The following RAP1GAP variants were observed in gnomAD, a reference collection of about 807,000 sequenced individuals.
The protein encoded by RAP1GAP is rap1 GTPase-activating protein 1.
A neutral mutation model predicts 87.2 loss-of-function variants in RAP1GAP; 35 were observed. The observed-to-expected ratio is 0.40, with a 90% confidence interval of 0.31 to 0.53. The LOEUF is 0.53. Among genes scored for constraint, RAP1GAP ranks in the 20% least tolerant of loss-of-function variants. The pLI is 0.48. For missense variants in RAP1GAP, 734 were observed against 898.9 expected (o/e 0.82, Z 2.35); for synonymous variants, 375 against 363.9 (o/e 1.03, Z -0.35).
chr1:21,616,671 G>A (rs148882181), intron 7 of RAP1GAP, among the ~76,000 whole-genome samples: 1 of 152,352 alleles, frequency 6.6e-6, no homozygotes, highest in Non-Finnish European at 1.5e-5. Flanking sequence ...CTGACAAGTT[G>A]TTGCTGGGCA....
At chr1:21,610,632 G>A (rs955544751) in intron 13 of RAP1GAP, among the ~76,000 whole-genome samples, 4 of 152,158 alleles carry the variant, frequency 2.6e-5, no homozygotes, top group African/African-American at 4.8e-5. Flanking sequence ...TCAAGGCCGA[G>A]AGAAGTGACT....
At chr1:21,635,635 T>C (rs1199609942) in intron 2 of RAP1GAP, among the ~76,000 whole-genome samples, 2 of 152,232 alleles carry the variant, frequency 1.3e-5, no homozygotes, top group African/African-American at 2.4e-5. Context: ...TAGCTGGGGC[T>C]GGGGTTGCTG....
intron 7 of RAP1GAP, among the ~76,000 whole-genome samples, chr1:21,616,578 A>G (rs1267902696): frequency 6.6e-6 from 1 of 152,236 alleles, no homozygotes; most frequent in Non-Finnish European, 1.5e-5. Context: ...TTTTGGCTCT[A>G]TGCTGACGAA....
At chr1:21,638,964 C>G (rs1047362603) in intron 2 of RAP1GAP, among the ~76,000 whole-genome samples, 1 of 152,236 alleles carries the variant, frequency 6.6e-6, no homozygotes, top group Non-Finnish European at 1.5e-5. Flanking sequence ...ACACTCTTTC[C>G]CCTACATTAG....
intron 20 of RAP1GAP, among the ~76,000 whole-genome samples, chr1:21,600,783 G>A (rs1008666884): frequency 6.7e-6 from 1 of 149,452 alleles, no homozygotes; most frequent in Admixed American, 6.8e-5. Context: ...TACTTGGGGG[G>A]CTGAGGCAGG....
At chr1:21,660,677 C>A (rs1571503715) in intron 1 of RAP1GAP, among the ~76,000 whole-genome samples, 1 of 152,090 alleles carries the variant, frequency 6.6e-6, no homozygotes, top group African/African-American at 2.4e-5. Flanking sequence ...AGTTTCCAAT[C>A]TGGAAAATGG....
At chr1:21,617,159 T>C in intron 7 of RAP1GAP, 147 bp downstream of exon 7, 1 of 849,342 alleles carries the variant, frequency 1.2e-6, no homozygotes, top group Admixed American at 2.8e-5. Context: ...GGACTGGGAG[T>C]GTGTGTGGTG....
rs375344378 is a variant in RAP1GAP, at chr1:21,598,447, G to A, written c.1832C>T (p.Thr611Met). The change falls in exon 22 of 25, where the codon ACG becomes ATG. Residue 611 changes from threonine to methionine, a missense_variant. Thr to Met is a moderately conservative substitution (Grantham distance 81). Coordinates refer to ENST00000374765, the MANE Select transcript of RAP1GAP (RefSeq NM_002885.4). Reference protein sequence around the residue: ...PHKRDSFIYSTWLEDSVSTTS... With the variant: ...PHKRDSFIYSMWLEDSVSTTS... ...GGTGCTGACACTGTCCTCCAGCCACGTGCTATAGATGAAGGAGTCCCGCTT... is the reference window on the plus strand; with the variant it reads ...GGTGCTGACACTGTCCTCCAGCCACATGCTATAGATGAAGGAGTCCCGCTT... 1.4e-4 allele frequency: 220 copies of A among 1,613,892 alleles called. No individual in the cohort carries two copies. The highest frequency in any genetic ancestry group is 1.8e-4 in the South Asian group (16 of 91,092).
Position 21,603,381 on chromosome 1 carries a change from C to T in RAP1GAP, c.1429-468G>A, listed in dbSNP as rs1325817286. The T allele has an allele frequency of 3.2e-5, 15 of 473,856 alleles. No homozygotes were observed. In the East Asian group the frequency reaches 5.2e-4, roughly 16 times the overall value. The allele number at this position is 473,856 out of a possible 1,614,324, so 29.4% of individuals were successfully genotyped here. A position where few individuals can be genotyped will look rare whatever the true frequency, so the allele number is the denominator to read the frequency against. On this transcript the variant is annotated intron_variant, in intron 18 of 24. Transcript: ENST00000374765. The surrounding 1 kb of genome is among the most constrained non-coding windows in gnomAD (Gnocchi z 6.0). Reference sequence around the variant, plus strand: ...AGCAGCTGGAAGACTCCCCCAGCTTCCCACACACTGTGCTGGGATGCCCCA... The same window carrying T: ...AGCAGCTGGAAGACTCCCCCAGCTTTCCACACACTGTGCTGGGATGCCCCA...
At chr1:21,611,960 G>A in intron 11 of RAP1GAP, 66 bp downstream of exon 11, 7 of 1,485,864 alleles carry the variant, frequency 4.7e-6, no homozygotes, top group Non-Finnish European at 6.5e-6. Flanking sequence ...TGCTGCCCTG[G>A]AAAAGGTGTG....
In RAP1GAP at chr1:21,613,140, C is replaced by T. The variant is rs1381177182; in HGVS notation, c.528+36G>A. ...AATGCTCAGTCTTCCAGTTACTCACCCACCCTCAGTGAGCTGTGCCCAGAT... is the reference window on the plus strand; with the variant it reads ...AATGCTCAGTCTTCCAGTTACTCACTCACCCTCAGTGAGCTGTGCCCAGAT... On this transcript the variant is annotated intron_variant, in intron 10 of 24. Coordinates refer to ENST00000374765, the MANE Select transcript of RAP1GAP (RefSeq NM_002885.4). This position sits in a 1 kb window ranked among gnomAD's most constrained non-coding sequence, Gnocchi z 4.7. 2 of 1,522,832 alleles carry T rather than the reference C, an allele frequency of 1.3e-6. No individual in the cohort carries two copies. The highest frequency in any genetic ancestry group is 1.7e-5 in the Admixed American group (1 of 59,842). 94.3% of individuals were successfully genotyped at this position (1,522,832 alleles called of 1,614,324 possible).
chr1:21,637,972 C>CA (rs35411110), intron 2 of RAP1GAP, among the ~76,000 whole-genome samples: 7,616 of 70,048 alleles, frequency 0.11, 888 homozygotes, highest in African/African-American at 0.29. Flanking sequence ...CCATCTCTAC[C>CA]AAAAAAAAAA....
At chr1:21,638,876 TA>T (rs2151213717) in intron 2 of RAP1GAP, among the ~76,000 whole-genome samples, 1 of 152,304 alleles carries the variant, frequency 6.6e-6, no homozygotes, top group South Asian at 2.1e-4. Context: ...GAAAAGAGAC[TA>T]AACACCATGA....
intron 2 of RAP1GAP, among the ~76,000 whole-genome samples, chr1:21,641,534 G>C (rs1423467477): frequency 6.6e-6 from 1 of 152,144 alleles, no homozygotes; most frequent in East Asian, 1.9e-4. Context: ...TCCTGCACTG[G>C]AGGATAACAT....
intron 2 of RAP1GAP, among the ~76,000 whole-genome samples, chr1:21,633,915 G>A (rs1483215975): frequency 1.3e-5 from 2 of 152,082 alleles, no homozygotes; most frequent in Non-Finnish European, 2.9e-5. Flanking sequence ...AGAGGGCTGT[G>A]GAGGGCAACC....
At chr1:21,649,904 G>A in intron 1 of RAP1GAP, 108 bp from the exon 2 acceptor site, 2 of 1,185,598 alleles carry the variant, frequency 1.7e-6, no homozygotes, top group Non-Finnish European at 2.4e-6. Flanking sequence ...AGGGGCTGGA[G>A]AAGGTCCTGT....
At chr1:21,612,970 C>G in intron 10 of RAP1GAP, 1 of 603,932 alleles carries the variant, frequency 1.7e-6, no homozygotes, top group Non-Finnish European at 3.0e-6. Context: ...TAAACGCAGG[C>G]CCTCCTATCT....
chr1:21,662,063 C>A (rs1247515231), intron 1 of RAP1GAP, among the ~76,000 whole-genome samples: 1 of 152,208 alleles, frequency 6.6e-6, no homozygotes, highest in Non-Finnish European at 1.5e-5. Context: ...CTTGCCCTGG[C>A]CCCATACAGA....
chr1:21,643,742 C>T (rs927717980), intron 2 of RAP1GAP, among the ~76,000 whole-genome samples: 4 of 152,210 alleles, frequency 2.6e-5, no homozygotes, highest in African/African-American at 9.7e-5. Context: ...TGCGCATACA[C>T]TCTGCACTCA....
Sources: gnomAD v4.1 joint callset for allele counts (sites outside exome capture counted in the v4.1 genomes callset) on GRCh38, gnomAD v4.1.1 for gene constraint, Gnocchi (gnomAD v3.1) non-coding constraint, MANE v1.5 for transcripts, NCBI Gene and HGNC (gene_info 2026-07-23, HGNC 2026-07-21) for gene names.